ATG4C: variants seen among roughly 807,000 people sequenced by gnomAD.
ATG4C encodes autophagy related 4C cysteine peptidase, also known as cysteine protease ATG4C.
In ATG4C, 56 loss-of-function variants were observed where a neutral mutation model predicts 57.6. The ratio of observed to expected loss-of-function variants is 0.97; its 90% CI spans 0.78 to 1.21. The LOEUF (loss-of-function observed/expected upper bound fraction) is 1.21. Among genes scored for constraint, ATG4C ranks in the 50% most tolerant of loss-of-function variants. ATG4C has a pLI of 0.00. For missense variants in ATG4C, 595 were observed against 529.8 expected, an observed-to-expected ratio of 1.12 and a Z score of -1.21; for synonymous variants, 157 against 174.1, an observed-to-expected ratio of 0.90 and a Z score of 0.78.
At chr1:62,819,371 A>G (rs769167460) in intron 5 of ATG4C, 36 bp downstream of exon 5, 4 of 1,511,188 alleles carry the variant, frequency 2.6e-6, no homozygotes, top group East Asian at 2.3e-5. Flanking sequence ...CTTGTGACAG[A>G]GGTCCTCAGG....
At chr1:62,799,119 A>T (rs796875494) in intron 1 of ATG4C, among the ~76,000 whole-genome samples, 10 of 152,224 alleles carry the variant, frequency 6.6e-5, no homozygotes, top group African/African-American at 2.2e-4. Context: ...AAAACTCACT[A>T]TGTTGTCCAG....
At chr1:62,807,934 A>C (rs1664935195) in intron 3 of ATG4C, among the ~76,000 whole-genome samples, 1 of 152,102 alleles carries the variant, frequency 6.6e-6, no homozygotes, top group Non-Finnish European at 1.5e-5. Flanking sequence ...GACAGTCCTT[A>C]CCCTGTGGGG....
Position 62,803,819 on chromosome 1 carries a change from G to A in ATG4C, c.33G>A (p.Lys11=), listed in dbSNP as rs748706080. 6.2e-7 allele frequency: 1 copy of A among 1,605,908 alleles called. No individual in the cohort carries two copies. Among genetic ancestry groups the A allele is most frequent in the Non-Finnish European group, 8.5e-7 (1 of 1,175,928 alleles). The change falls in exon 2 of 11, where the codon AAG becomes AAA. Residue 11 remains lysine (K), a synonymous_variant. Transcript: ENST00000317868. ...CTACAGGAACAGATGAAGTTGACAA[G>A]CTAAAAACCAAATTTATATCTGCTT... MEATGTDEVD[K]LKTKFISAWN...
chr1:62,804,707 G>A (rs1336767851), intron 2 of ATG4C, among the ~76,000 whole-genome samples: 1 of 152,112 alleles, frequency 6.6e-6, no homozygotes, highest in Non-Finnish European at 1.5e-5. Flanking sequence ...GCCCACCTAA[G>A]ATGGAGAAGT....
chr1:62,791,123 A>G (rs1026164438), intron 1 of ATG4C, among the ~76,000 whole-genome samples: 2 of 152,168 alleles, frequency 1.3e-5, no homozygotes, highest in African/African-American at 4.8e-5. Flanking sequence ...CTTAATAGTT[A>G]TGATACTTTA....
At position 62,819,052 on chromosome 1, in the gene ATG4C, T is replaced by C. The variant is rs1320750569; in HGVS notation, c.442T>C (p.Ser148Pro). 6 of 1,595,124 alleles carry C rather than the reference T, an allele frequency of 3.8e-6. No homozygotes were observed. The highest frequency in any genetic ancestry group is 5.1e-6 in the Non-Finnish European group (6 of 1,171,392). ...ALNIENSDSE[S>P]WTSHTVKKFT... ...GAATATTGAAAATTCAGACTCTGAA[T>C]CATGGACTTCCCACACTGTCAAAAA... Residue 148 changes from serine to proline, a missense_variant, in exon 5 of 11, where the codon TCA becomes CCA. Coordinates refer to ENST00000317868, the MANE Select transcript of ATG4C (RefSeq NM_032852.4).
intron 10 of ATG4C, among the ~76,000 whole-genome samples, chr1:62,859,735 C>T (rs1442743832): frequency 1.3e-5 from 2 of 151,686 alleles, no homozygotes; most frequent in African/African-American, 4.8e-5. Context: ...CTCGCTCTGT[C>T]GCCAGGCTGG....
intron 6 of ATG4C, among the ~76,000 whole-genome samples, chr1:62,822,991 C>T (rs1010349824): frequency 1.3e-5 from 2 of 152,074 alleles, no homozygotes; most frequent in Non-Finnish European, 2.9e-5. Flanking sequence ...CCTGTCACTA[C>T]AAAAAATACA....
chr1:62,806,875 G>A (rs904305779), intron 3 of ATG4C, among the ~76,000 whole-genome samples: 1 of 152,190 alleles, frequency 6.6e-6, no homozygotes, highest in Non-Finnish European at 1.5e-5. Flanking sequence ...ATAGGACCAT[G>A]AAACCTTAAG....
intron 10 of ATG4C, among the ~76,000 whole-genome samples, chr1:62,848,687 C>T (rs1230794578): frequency 6.6e-6 from 1 of 152,136 alleles, no homozygotes; most frequent in Non-Finnish European, 1.5e-5. Context: ...AAGACATTCT[C>T]CTACATAACC....
At chr1:62,848,676 A>C (rs1212397126) in intron 10 of ATG4C, among the ~76,000 whole-genome samples, 1 of 152,194 alleles carries the variant, frequency 6.6e-6, no homozygotes, top group Non-Finnish European at 1.5e-5. Context: ...GCTTAGAAAT[A>C]AAGACATTCT....
At chr1:62,831,901 A>C (rs372980390) in intron 7 of ATG4C, among the ~76,000 whole-genome samples, 26 of 152,198 alleles carry the variant, frequency 1.7e-4, no homozygotes, top group African/African-American at 6.3e-4. Context: ...TCATTTTCTG[A>C]GGAGAGTCAG....
At chr1:62,793,613 A>C (rs933711735) in intron 1 of ATG4C, among the ~76,000 whole-genome samples, 1 of 147,922 alleles carries the variant, frequency 6.8e-6, no homozygotes, top group African/African-American at 2.5e-5. Context: ...AAAAAAAAAA[A>C]AAAAAAACCA....
intron 10 of ATG4C, 84 bp downstream of exon 10, chr1:62,841,631 T>C: frequency 1.7e-6 from 2 of 1,159,746 alleles, no homozygotes; most frequent in Non-Finnish European, 2.4e-6. Context: ...CTGTAAATTA[T>C]AATTTTTTAT....
chr1:62,800,757 A>G (rs1292563488), intron 1 of ATG4C, among the ~76,000 whole-genome samples: 7 of 152,182 alleles, frequency 4.6e-5, no homozygotes, highest in African/African-American at 1.7e-4. Context: ...TTTAATAAAT[A>G]TTTTTGAGAA....
intron 1 of ATG4C, among the ~76,000 whole-genome samples, chr1:62,787,198 CATT>C (rs1355609792): frequency 1.3e-5 from 2 of 152,034 alleles, no homozygotes; most frequent in East Asian, 3.9e-4. Context: ...CCTTTTGTGT[CATT>C]GTTGTAGTTT....
At chr1:62,835,620 A>G (rs1227479522) in intron 9 of ATG4C, 2 of 165,874 alleles carry the variant, frequency 1.2e-5, no homozygotes, top group Non-Finnish European at 2.6e-5. Context: ...GCTAGCTAAT[A>G]TTAACACCTA....
At chr1:62,785,388 AACC>A (rs557390214) in intron 1 of ATG4C, 166 of 152,366 alleles carry the variant, frequency 1.1e-3, no homozygotes, top group African/African-American at 3.9e-3. Context: ...AAATTTTTAG[AACC>A]ACATGTCAAA....
At chr1:62,852,987 C>G (rs898044490) in intron 10 of ATG4C, among the ~76,000 whole-genome samples, 3 of 152,062 alleles carry the variant, frequency 2.0e-5, no homozygotes, top group African/African-American at 7.2e-5. Context: ...TTATTCCTTT[C>G]TCTTGCTGGA....
Sources: allele counts gnomAD v4.1 joint callset (sites outside exome capture counted in the v4.1 genomes callset), GRCh38; gene constraint gnomAD v4.1.1; transcripts MANE v1.5; gene names NCBI Gene and HGNC (gene_info 2026-07-23, HGNC 2026-07-21).